The following PARP11 variants were observed in gnomAD, a reference collection of about 807,000 sequenced individuals.
PARP11 encodes the protein poly(ADP-ribose) polymerase family member 11.
Under a neutral mutation model 42.9 loss-of-function variants are expected in PARP11, and 31 were observed. The ratio of observed to expected loss-of-function variants is 0.72; its 90% confidence interval spans 0.54 to 0.98. The LOEUF is 0.98. Among genes scored for constraint, PARP11 ranks in the 50% least tolerant of loss-of-function variants. The pLI, the probability that PARP11 is intolerant of heterozygous loss-of-function variation, is 0.00. For missense variants in PARP11, 365 were observed against 413.1 expected (o/e 0.88, Z 1.01); for synonymous variants, 137 against 127.3 (o/e 1.08, Z -0.51).
chr12:3,867,093 T>C (rs934248736), intron 1 of PARP11, among the ~76,000 whole-genome samples: 1 of 152,206 alleles, frequency 6.6e-6, no homozygotes, highest in Non-Finnish European at 1.5e-5. Flanking sequence ...AATGATACTT[T>C]TGTGAGCTAT....
At chr12:3,814,918 A>G (rs1224170593) in intron 6 of PARP11, 3 of 349,526 alleles carry the variant, frequency 8.6e-6, no homozygotes, top group Admixed American at 7.3e-5. Context: ...AGAGAACTCA[A>G]AATAATACTG....
chr12:3,867,399 T>C (rs1948411435), intron 1 of PARP11, among the ~76,000 whole-genome samples: 1 of 152,208 alleles, frequency 6.6e-6, no homozygotes, highest in Non-Finnish European at 1.5e-5. Flanking sequence ...CTGACAAGTT[T>C]CTGAAATGAG....
At chr12:3,872,687 T>A in intron 1 of PARP11, 3 of 982,096 alleles carry the variant, frequency 3.1e-6, no homozygotes, top group Non-Finnish European at 3.6e-6. Flanking sequence ...GACAAGGGGG[T>A]CCCAATTCCC....
At chr12:3,821,568 C>T (rs1947392337) in intron 6 of PARP11, among the ~76,000 whole-genome samples, 1 of 152,128 alleles carries the variant, frequency 6.6e-6, no homozygotes, top group South Asian at 2.1e-4. Flanking sequence ...AAAGGCTTAG[C>T]CAAGGAAGTC....
chr12:3,853,108 C>A (rs1263200863), intron 1 of PARP11, among the ~76,000 whole-genome samples: 1 of 152,152 alleles, frequency 6.6e-6, no homozygotes, highest in African/African-American at 2.4e-5. Context: ...ATCACCAGGC[C>A]TGCCTTACAA....
At chr12:3,835,779 T>G (rs1947749440) in intron 1 of PARP11, among the ~76,000 whole-genome samples, 1 of 152,172 alleles carries the variant, frequency 6.6e-6, no homozygotes, top group Non-Finnish European at 1.5e-5. Flanking sequence ...CAGTGGTAGA[T>G]TTGTGAACAA....
chr12:3,812,062 G>T lies in PARP11; in HGVS notation c.*61C>A. On this transcript the variant is annotated 3_prime_UTR_variant, in exon 8 of 8. Transcript: ENST00000228820. Reference sequence around the variant, plus strand: ...AACATTTAGTGGCTAGATGACTGAAGAGCAAACCTTCCTGCAAAAAAGAAT... The same window carrying T: ...AACATTTAGTGGCTAGATGACTGAATAGCAAACCTTCCTGCAAAAAAGAAT... 1 of 1,291,402 alleles carries T rather than the reference G, an allele frequency of 7.7e-7. No individual in the cohort carries two copies. Among genetic ancestry groups the T allele is most frequent in the Non-Finnish European group, 1.1e-6 (1 of 931,480 alleles). The allele number at this position is 1,291,402 out of a possible 1,614,324, so 80.0% of individuals were successfully genotyped here.
intron 1 of PARP11, among the ~76,000 whole-genome samples, chr12:3,844,426 T>C (rs1591784902): frequency 6.6e-6 from 1 of 152,234 alleles, no homozygotes. Context: ...TTTCAGCTTA[T>C]GCTTTTTTTT....
chr12:3,849,688 A>G (rs1948061696), intron 1 of PARP11, among the ~76,000 whole-genome samples: 1 of 152,182 alleles, frequency 6.6e-6, no homozygotes, highest in African/African-American at 2.4e-5. Context: ...AGGTTGATTA[A>G]TGGGTATAAA....
At position 3,810,125 on chromosome 12, in the gene PARP11, G is replaced by A. The variant is rs1947139256; in HGVS notation, c.*1998C>T. The A allele has an allele frequency of 6.6e-6, 1 of 152,164 alleles. No homozygotes were observed. Among genetic ancestry groups the A allele is most frequent in the African/African-American group, 2.4e-5 (1 of 41,428 alleles). The allele number at this position is 152,164 out of a possible 1,614,324, so 9.4% of individuals were successfully genotyped here. ...CCTTTCTAATTCAAATGATTCAAGT[G>A]AGCAATATAAGCATAGACACTGGAA... On this transcript the variant is annotated 3_prime_UTR_variant, in exon 8 of 8. Coordinates refer to ENST00000228820, the MANE Select transcript of PARP11 (RefSeq NM_020367.6).
chr12:3,841,545 T>G (rs984937701), intron 1 of PARP11: 4 of 1,602,560 alleles, frequency 2.5e-6, no homozygotes, highest in Non-Finnish European at 3.4e-6. Context: ...CGACATTTTC[T>G]TCACCTCTGG....
intron 3 of PARP11, among the ~76,000 whole-genome samples, chr12:3,828,442 G>A (rs1947572869): frequency 6.6e-6 from 1 of 151,546 alleles, no homozygotes; most frequent in Non-Finnish European, 1.5e-5. Flanking sequence ...CCAGCTACTC[G>A]GGAGGCTGAG....
chr12:3,832,138 T>C (rs1296235989), intron 1 of PARP11: 1 of 981,404 alleles, frequency 1.0e-6, no homozygotes, highest in Non-Finnish European at 1.2e-6. Flanking sequence ...TAGGCCAGGT[T>C]ATAAATGAAA....
intron 1 of PARP11, among the ~76,000 whole-genome samples, chr12:3,869,314 A>G (rs572722966): frequency 6.6e-6 from 1 of 152,394 alleles, no homozygotes; most frequent in South Asian, 2.1e-4. Context: ...TTTCTAATAC[A>G]TAAACTCATT....
intron 1 of PARP11, chr12:3,863,929 C>T (rs1460779076): frequency 2.0e-5 from 3 of 152,130 alleles, no homozygotes; most frequent in African/African-American, 4.8e-5. Flanking sequence ...TGGTATAGCA[C>T]GGCTCAAAGA....
chr12:3,865,049 C>T (rs954068582), intron 1 of PARP11, among the ~76,000 whole-genome samples: 1 of 152,126 alleles, frequency 6.6e-6, no homozygotes, highest in South Asian at 2.1e-4. Flanking sequence ...GCTTTGGCAC[C>T]ATCCTACAAA....
intron 1 of PARP11, among the ~76,000 whole-genome samples, chr12:3,830,826 C>A (rs1196133773): frequency 6.6e-6 from 1 of 152,110 alleles, no homozygotes; most frequent in Admixed American, 6.5e-5. Context: ...AGATTCAAAC[C>A]CAACATCCTG....
At chr12:3,841,170 T>G in intron 1 of PARP11, 1 of 1,580,836 alleles carries the variant, frequency 6.3e-7, no homozygotes, top group Non-Finnish European at 8.7e-7. Flanking sequence ...ACCCACTCTA[T>G]CCTGGGTTTC....
chr12:3,864,560 T>C (rs1364780443), intron 1 of PARP11, among the ~76,000 whole-genome samples: 2 of 152,198 alleles, frequency 1.3e-5, no homozygotes, highest in African/African-American at 2.4e-5. Flanking sequence ...TTTAGAATGA[T>C]TTTTTTCTGC....
Sources: gnomAD v4.1 joint callset for allele counts (sites outside exome capture counted in the v4.1 genomes callset) on GRCh38, gnomAD v4.1.1 for gene constraint, MANE v1.5 for transcripts, NCBI Gene and HGNC (gene_info 2026-07-23, HGNC 2026-07-21) for gene names.